Variants in ZFHX3 observed in about 807,000 individuals in gnomAD.
The protein encoded by ZFHX3 is zinc finger homeobox protein 3.
Under a neutral mutation model 279.1 loss-of-function variants are expected in ZFHX3, and 42 were observed. The ratio of observed to expected loss-of-function variants is 0.15; its 90% CI spans 0.12 to 0.19. ZFHX3 has a LOEUF of 0.19. Among genes scored for constraint, ZFHX3 ranks in the 10% least tolerant of loss-of-function variants. The pLI is 1.00. For missense variants in ZFHX3, 4,981 were observed against 4,754.0 expected, an observed-to-expected ratio of 1.05 and a Z score of -1.40; for synonymous variants, 2,293 against 1,957.8, an observed-to-expected ratio of 1.17 and a Z score of -4.52.
At chr16:73,801,895 T>G (rs959614588) in intron 1 of ZFHX3, among the ~76,000 whole-genome samples, 5 of 152,212 alleles carry the variant, frequency 3.3e-5, no homozygotes, top group African/African-American at 1.2e-4. Flanking sequence ...CCTGAGTTCC[T>G]TGCAGCTCTC....
chr16:72,989,905 G>C (rs1385011072), intron 1 of ZFHX3, among the ~76,000 whole-genome samples: 2 of 152,226 alleles, frequency 1.3e-5, no homozygotes, highest in Admixed American at 1.3e-4. Context: ...GTTTTGTCAA[G>C]TATGTTTCAT....
chr16:73,137,539 G>A (rs1966814972), intron 6 of ZFHX3: 1 of 152,096 alleles, frequency 6.6e-6, no homozygotes, highest in African/African-American at 2.4e-5. Flanking sequence ...TCTTGGTTGA[G>A]TGGCTCGTGG....
At chr16:73,454,296 T>G (rs1222991509) in intron 3 of ZFHX3, among the ~76,000 whole-genome samples, 1 of 152,068 alleles carries the variant, frequency 6.6e-6, no homozygotes, top group African/African-American at 2.4e-5. Context: ...AGAGAGAAAA[T>G]CCAGACAGAA....
At chr16:73,613,864 G>A (rs1180680312) in intron 2 of ZFHX3, among the ~76,000 whole-genome samples, 1 of 152,174 alleles carries the variant, frequency 6.6e-6, no homozygotes, top group Non-Finnish European at 1.5e-5. Flanking sequence ...CTGCGGCAGG[G>A]GGAGGGCGCG....
At chr16:73,808,162 G>C (rs1219040514) in intron 1 of ZFHX3, among the ~76,000 whole-genome samples, 1 of 151,996 alleles carries the variant, frequency 6.6e-6, no homozygotes, top group Non-Finnish European at 1.5e-5. Flanking sequence ...CCATGATGAA[G>C]ACTTGGGAAG....
chr16:73,547,910 C>T (rs2020148055), intron 2 of ZFHX3, among the ~76,000 whole-genome samples: 1 of 152,200 alleles, frequency 6.6e-6, no homozygotes, highest in Non-Finnish European at 1.5e-5. Context: ...CTCAATGTTA[C>T]TTTAAACACA....
intron 2 of ZFHX3, among the ~76,000 whole-genome samples, chr16:73,544,406 GC>G (rs1244032657): frequency 1.3e-5 from 2 of 152,216 alleles, no homozygotes; most frequent in African/African-American, 4.8e-5. Context: ...AATCAGGCCT[GC>G]CGGGTCCGGA....
At chr16:73,321,339 C>T (rs913578422) in intron 3 of ZFHX3, among the ~76,000 whole-genome samples, 2 of 152,148 alleles carry the variant, frequency 1.3e-5, no homozygotes, top group Non-Finnish European at 2.9e-5. Flanking sequence ...CTGGTGACCT[C>T]TCTGAGCCCC....
intron 4 of ZFHX3, among the ~76,000 whole-genome samples, chr16:72,847,192 T>C (rs993475669): frequency 6.6e-6 from 1 of 152,224 alleles, no homozygotes; most frequent in Non-Finnish European, 1.5e-5. Context: ...GGCAGGGCTA[T>C]TTTAAGCTAG....
intron 7 of ZFHX3, chr16:72,807,651 T>C (rs1341753703): frequency 6.6e-6 from 1 of 152,182 alleles, no homozygotes; most frequent in Non-Finnish European, 1.5e-5. Context: ...CAGGGTGGAA[T>C]TTACTTTTAG....
chr16:73,407,262 C>T (rs775340116), intron 3 of ZFHX3, among the ~76,000 whole-genome samples: 5 of 152,224 alleles, frequency 3.3e-5, no homozygotes, highest in South Asian at 2.1e-4. Flanking sequence ...ACTGTAAATG[C>T]GGCCGCTATG....
intron 7 of ZFHX3, among the ~76,000 whole-genome samples, chr16:73,112,367 A>T (rs899657786): frequency 1.3e-5 from 2 of 152,116 alleles, no homozygotes; most frequent in African/African-American, 4.8e-5. Flanking sequence ...TGGGAGTCCT[A>T]GTCTCATAAA....
At chr16:73,833,411 AT>A (rs1321374385) in intron 1 of ZFHX3, among the ~76,000 whole-genome samples, 2 of 152,216 alleles carry the variant, frequency 1.3e-5, no homozygotes, top group African/African-American at 2.4e-5. Flanking sequence ...GAAAAGGAAT[AT>A]AAAGCACAGT....
chr16:73,120,647 TAC>T (rs1451081676), intron 7 of ZFHX3, among the ~76,000 whole-genome samples: 3 of 130,092 alleles, frequency 2.3e-5, no homozygotes, highest in African/African-American at 5.9e-5. Context: ...CTATCCTCTC[TAC>T]CTTTTTTTTT....
intron 1 of ZFHX3, among the ~76,000 whole-genome samples, chr16:73,710,139 T>C (rs1185700438): frequency 1.3e-5 from 2 of 152,106 alleles, no homozygotes; most frequent in Non-Finnish European, 2.9e-5. Flanking sequence ...GTTGTGCCAT[T>C]GCACTCCAGC....
intron 1 of ZFHX3, among the ~76,000 whole-genome samples, chr16:73,758,179 T>TA (rs1248971172): frequency 1.3e-5 from 2 of 152,318 alleles, no homozygotes; most frequent in Non-Finnish European, 2.9e-5. Context: ...CCCTGGTTGT[T>TA]ACAAAGTTCA....
At chr16:73,850,465 C>T (rs1961566336) in intron 1 of ZFHX3, among the ~76,000 whole-genome samples, 2 of 152,116 alleles carry the variant, frequency 1.3e-5, no homozygotes, top group East Asian at 1.9e-4. Flanking sequence ...ACAGAAACAA[C>T]TTTGAGATGG....
At chr16:73,129,443 C>G (rs1292263046) in intron 7 of ZFHX3, among the ~76,000 whole-genome samples, 1 of 150,508 alleles carries the variant, frequency 6.6e-6, no homozygotes, top group Non-Finnish European at 1.5e-5. Context: ...GTGTCAGTCT[C>G]TATTTTCTCT....
At chr16:73,020,520 G>T (rs1445487125) in intron 1 of ZFHX3, among the ~76,000 whole-genome samples, 2 of 152,170 alleles carry the variant, frequency 1.3e-5, no homozygotes, top group Non-Finnish European at 2.9e-5. Flanking sequence ...AACGGGCAAC[G>T]CGGGACCCAT....
Sources: allele counts gnomAD v4.1 joint callset (sites outside exome capture counted in the v4.1 genomes callset), GRCh38; gene constraint gnomAD v4.1.1; transcripts MANE v1.5; gene names NCBI Gene and HGNC (gene_info 2026-07-23, HGNC 2026-07-21).